The following ARHGAP33 variants were observed in gnomAD, a reference collection of about 807,000 sequenced individuals.
ARHGAP33 encodes the protein rho GTPase-activating protein 33.
Under a neutral mutation model 126.2 loss-of-function variants are expected in ARHGAP33, and 57 were observed. That is an observed-to-expected ratio of 0.45 (90% confidence interval 0.36 to 0.56). The LOEUF (loss-of-function observed/expected upper bound fraction) is 0.56, where lower values mean the gene tolerates loss of function less well. Among genes scored for constraint, ARHGAP33 ranks in the 20% least tolerant of loss-of-function variants. The probability of loss-of-function intolerance (pLI) is 0.00; values close to 1 mark genes in which losing one functional copy is unlikely to be tolerated. For missense variants in ARHGAP33, 1,500 were observed against 1,748.3 expected, an observed-to-expected ratio of 0.86 and a Z score of 2.53; for synonymous variants, 711 against 755.0, an observed-to-expected ratio of 0.94 and a Z score of 0.95.
chr19:35,782,749 C>T lies in ARHGAP33; in HGVS notation c.1314-13C>T, dbSNP rs369404067. 2.2e-5 allele frequency: 36 copies of T among 1,611,948 alleles called. No individual in the cohort carries two copies. The highest frequency in any genetic ancestry group is 1.3e-4 in the African/African-American group (10 of 74,990). On this transcript the variant is annotated splice_polypyrimidine_tract_variant and intron_variant, in intron 14 of 20. Transcript: ENST00000007510. The surrounding 1 kb of genome is among the most constrained non-coding windows in gnomAD (Gnocchi z 4.1). Reference sequence around the variant, plus strand: ...GGTTGAGGCTCAGGTGCCCCCTCTGCTCCCACCCCCAGGACCCTGGAGTAC... The same window carrying T: ...GGTTGAGGCTCAGGTGCCCCCTCTGTTCCCACCCCCAGGACCCTGGAGTAC...
intron 1 of ARHGAP33, among the ~76,000 whole-genome samples, chr19:35,776,574 T>C (rs1314703997): frequency 6.6e-6 from 1 of 152,190 alleles, no homozygotes; most frequent in Non-Finnish European, 1.5e-5. Context: ...AGCTGGTTAA[T>C]TTATTCATCA....
At chr19:35,781,617 G>A (rs926927761) in intron 12 of ARHGAP33, among the ~76,000 whole-genome samples, 2 of 152,186 alleles carry the variant, frequency 1.3e-5, no homozygotes, top group African/African-American at 2.4e-5. Flanking sequence ...GGAGGATGGC[G>A]ACGAAGAGCC....
Position 35,777,649 on chromosome 19 carries a change from G to A in ARHGAP33, c.11G>A (p.Arg4His), listed in dbSNP as rs368825074. 1.9e-5 allele frequency: 30 copies of A among 1,569,592 alleles called. No individual in the cohort carries two copies. The highest frequency in any genetic ancestry group is 2.5e-5 in the Non-Finnish European group (29 of 1,156,546). ...CTGATTCTTTCTGCTCTACAGGCAC[G>A]CAGCACTGACAGCCTGGATGGCCCA... MVA[R>H]STDSLDGPGE... is the part of the protein sequence containing the mutation. The change falls in exon 2 of 21, where the codon CGC becomes CAC. Residue 4 changes from arginine to histidine, a missense_variant. This residue lies in a region of ARHGAP33 where 129 missense variants were observed against 145.9 expected (regional missense o/e 0.88). Coordinates refer to ENST00000007510, the MANE Select transcript of ARHGAP33 (RefSeq NM_001366178.1).
Position 35,782,743 on chromosome 19 carries a change from C to G in ARHGAP33, c.1314-19C>G. On this transcript the variant is annotated intron_variant, in intron 14 of 20. Transcript: ENST00000007510. This position sits in a 1 kb window ranked among gnomAD's most constrained non-coding sequence, Gnocchi z 4.1. ...CAAGGGGGTTGAGGCTCAGGTGCCC[C>G]CTCTGCTCCCACCCCCAGGACCCTG... 1 of 1,611,680 alleles carries G rather than the reference C, an allele frequency of 6.2e-7. No individual in the cohort carries two copies. Among genetic ancestry groups the G allele is most frequent in the Non-Finnish European group, 8.5e-7 (1 of 1,178,748 alleles).
intron 1 of ARHGAP33, among the ~76,000 whole-genome samples, chr19:35,777,075 G>C (rs576247144): frequency 5.4e-4 from 82 of 152,280 alleles, no homozygotes; most frequent in Admixed American, 2.4e-3. Flanking sequence ...AGCTCTGAGA[G>C]TGGGGGCAAT....
intron 12 of ARHGAP33, among the ~76,000 whole-genome samples, chr19:35,781,488 G>A (rs1246524528): frequency 6.6e-6 from 1 of 152,254 alleles, no homozygotes; most frequent in Non-Finnish European, 1.5e-5. Context: ...AGCAGTGAGT[G>A]AGACAGCCAG....
In ARHGAP33 at chr19:35,780,293, A is replaced by T. The variant is rs761976787; in HGVS notation, c.584A>T (p.Lys195Ile). Residue 195 changes from lysine to isoleucine, a missense_variant, in exon 7 of 21, where the codon AAA becomes ATA. By Grantham distance (102) the Lys-to-Ile change is moderately radical. This residue lies in a region of ARHGAP33 where 75 missense variants were observed against 152.7 expected (regional missense o/e 0.49). Coordinates refer to ENST00000007510, the MANE Select transcript of ARHGAP33 (RefSeq NM_001366178.1). ...GCAGTGGCGGCCGCCCATGTGATCA[A>T]ACGGTATACAGCCCAGGCGCCAGAT... ...IPAVAAAHVI[K>I]RYTAQAPDEL... 6.2e-7 allele frequency: 1 copy of T among 1,613,820 alleles called. No individual in the cohort carries two copies.
chr19:35,787,446 G>T lies in ARHGAP33; in HGVS notation c.2881G>T (p.Ala961Ser). 1 of 1,612,194 alleles carries T rather than the reference G, an allele frequency of 6.2e-7. No homozygotes were observed. Among genetic ancestry groups the T allele is most frequent in the Admixed American group, 1.7e-5 (1 of 59,880 alleles). ...TCCCAACTCCCTAGCACACCCGGGT[G>T]CCTGGGTCCCGGGACCCCCACCCTA... ...PPPNSLAHPG[A>S]WVPGPPPYLP... Residue 961 changes from alanine (A) to serine (S), a missense_variant, in exon 21 of 21, where the codon GCC becomes TCC. Transcript: ENST00000007510.
intron 16 of ARHGAP33, 73 bp downstream of exon 16, chr19:35,784,390 G>T: frequency 2.0e-6 from 3 of 1,466,764 alleles, no homozygotes; most frequent in African/African-American, 1.5e-5. Flanking sequence ...GGGCAGGTGG[G>T]CTCCCAGTCC....
rs759883580 is a variant in ARHGAP33 at position 35,777,554 on chromosome 19, C to T, written c.7-91C>T. The stretch of plus-strand genomic sequence containing the variant: ...TGCTCAGGGCGGTGTGTGGAGCGCC[C>T]GGGGCTCTGGACCCGCGCTGCCAGA... On this transcript the variant is annotated intron_variant, in intron 1 of 20. Coordinates refer to ENST00000007510, the MANE Select transcript of ARHGAP33 (RefSeq NM_001366178.1). 3.2e-5 allele frequency: 35 copies of T among 1,090,234 alleles called. No homozygotes were observed. The Middle Eastern group carries it at 1.2e-3, about 37-fold the overall frequency. The allele number at this position is 1,090,234 out of a possible 1,614,324, so 67.5% of individuals were successfully genotyped here.
chr19:35,786,321 C>A lies in ARHGAP33; in HGVS notation c.1943-92C>A. 1 of 1,452,614 alleles carries A rather than the reference C, an allele frequency of 6.9e-7. No individual in the cohort carries two copies. Among genetic ancestry groups the A allele is most frequent in the South Asian group, 1.4e-5 (1 of 69,584 alleles). The allele number at this position is 1,452,614 out of a possible 1,614,324, so 90.0% of individuals were successfully genotyped here. ...TGGCTTCACACTACTGTGGCCCTCT[C>A]CAGGAGGCGCCTCTTCATGTCCTTT... On this transcript the variant is annotated intron_variant, in intron 19 of 20. Coordinates refer to ENST00000007510, the MANE Select transcript of ARHGAP33 (RefSeq NM_001366178.1). This position sits in a 1 kb window ranked among gnomAD's most constrained non-coding sequence, Gnocchi z 7.0.
chr19:35,786,459 C>A lies in ARHGAP33; in HGVS notation c.1989C>A (p.Asp663Glu). ...TGCGGCGACCCCACTCCAGCAGCGA[C>A]GCTTTCCCTGTGGGCCCAGCACCTG... ...HRLRRPHSSSDAFPVGPAPAG... is the reference protein window; with the variant it reads ...HRLRRPHSSSEAFPVGPAPAG... Residue 663 changes from aspartate (D) to glutamate (E), a missense_variant, in exon 20 of 21, where the codon GAC becomes GAA. Transcript: ENST00000007510. This position sits in a 1 kb window ranked among gnomAD's most constrained non-coding sequence, Gnocchi z 7.0. 1 of 1,535,832 alleles carries A rather than the reference C, an allele frequency of 6.5e-7. No individual in the cohort carries two copies. The highest frequency in any genetic ancestry group is 8.7e-7 in the Non-Finnish European group (1 of 1,146,732).
At position 35,781,147 on chromosome 19, in the gene ARHGAP33, C is replaced by T; in HGVS notation, c.983-3C>T. ...ACCCAGCCCTGACCTTGCTTTCTCC[C>T]AGTGCCCCAGGTGCTGCGCTGCTGC... On this transcript the variant is annotated splice_polypyrimidine_tract_variant and splice_region_variant and intron_variant, in intron 11 of 20. Coordinates refer to ENST00000007510, the MANE Select transcript of ARHGAP33 (RefSeq NM_001366178.1). 6.2e-7 allele frequency: 1 copy of T among 1,612,582 alleles called. No individual in the cohort carries two copies. The highest frequency in any genetic ancestry group is 8.5e-7 in the Non-Finnish European group (1 of 1,179,294).
In ARHGAP33 at chr19:35,780,438, G is replaced by T; in HGVS notation, c.642G>T (p.Ser214=). 1 of 1,596,684 alleles carries T rather than the reference G, an allele frequency of 6.3e-7. No homozygotes were observed. The highest frequency in any genetic ancestry group is 8.6e-7 in the Non-Finnish European group (1 of 1,169,040). Residue 214 remains serine (S), a synonymous_variant, in exon 8 of 21, where the codon TCG becomes TCT. Transcript: ENST00000007510. ...ELSFEVGDIV[S]VIDMPPTEDR... is the part of the protein sequence containing the mutation. ...TCTCCCAGGTGGGAGACATTGTCTC[G>T]GTGATCGACATGCCACCCACAGAGG...
rs1258517161 is a variant in ARHGAP33 at position 35,786,809 on chromosome 19, C to T, written c.2339C>T (p.Ser780Leu). 15 of 1,526,548 alleles carry T rather than the reference C, an allele frequency of 9.8e-6. No individual in the cohort carries two copies. The highest frequency in any genetic ancestry group is 2.4e-5 in the East Asian group (1 of 41,132). The allele number at this position is 1,526,548 out of a possible 1,614,324, so 94.6% of individuals were successfully genotyped here. ...FPPRVTPQAISPRGPTSPASP... is the reference protein window; with the variant it reads ...FPPRVTPQAILPRGPTSPASP... ...CCCAGGGTGACCCCCCAGGCCATCT[C>T]GCCCCGGGGGCCCACCAGCCCCGCC... The change falls in exon 20 of 21, where the codon TCG becomes TTG. Residue 780 changes from serine to leucine, a missense_variant. Ser to Leu is a moderately radical substitution (Grantham distance 145, BLOSUM62 -2). Transcript: ENST00000007510. The surrounding 1 kb of genome is among the most constrained non-coding windows in gnomAD (Gnocchi z 7.0).
At position 35,787,561 on chromosome 19, in the gene ARHGAP33, T is replaced by C; in HGVS notation, c.2996T>C (p.Val999Ala). The C allele has an allele frequency of 6.2e-7, 1 of 1,611,846 alleles. No individual in the cohort carries two copies. Among genetic ancestry groups the C allele is most frequent in the Non-Finnish European group, 8.5e-7 (1 of 1,179,468 alleles). Residue 999 changes from valine (V) to alanine (A), a missense_variant, in exon 21 of 21, where the codon GTC (valine) becomes GCC (alanine). Val to Ala is a moderately conservative substitution (Grantham distance 64). Around this residue, in one of 6 missense-constraint regions of ARHGAP33, gnomAD observed 642 missense variants for 634.0 expected, o/e 1.01. Transcript: ENST00000007510. ...AGGGGACTCCGAGGCCCTGCCCAGG[T>C]CAGTGCCCAGCTCAGGGCAGGTGGC... is the stretch of plus-strand genomic sequence containing the variant. Reference protein sequence around the residue: ...SRRGLRGPAQVSAQLRAGGGG... With the variant: ...SRRGLRGPAQASAQLRAGGGG...
chr19:35,781,112 G>A (rs756170732), intron 11 of ARHGAP33, 38 bp from the exon 12 acceptor site: 5 of 1,384,666 alleles, frequency 3.6e-6, no homozygotes, highest in South Asian at 1.1e-5. Context: ...TCACACCAGG[G>A]CTGCGGCCCA....
At position 35,782,540 on chromosome 19, in the gene ARHGAP33, C is replaced by G; in HGVS notation, c.1230+23C>G. 1 of 1,613,250 alleles carries G rather than the reference C, an allele frequency of 6.2e-7. No homozygotes were observed. Among genetic ancestry groups the G allele is most frequent in the Non-Finnish European group, 8.5e-7 (1 of 1,179,500 alleles). On this transcript the variant is annotated intron_variant, in intron 13 of 20. Transcript: ENST00000007510. The surrounding 1 kb of genome is among the most constrained non-coding windows in gnomAD (Gnocchi z 4.1). Reference sequence around the variant, plus strand: ...AGTGTGAGTAAGGGAGCTGGCGGGACGGAGGGGGCCGGGACGCCTCTGGCC... The same window carrying G: ...AGTGTGAGTAAGGGAGCTGGCGGGAGGGAGGGGGCCGGGACGCCTCTGGCC...
rs150993015 is a variant in ARHGAP33, at chr19:35,782,399, C to T, written c.1112C>T (p.Pro371Leu). Reference protein sequence around the residue: ...LRHEFDSERIPELSGPAFLQD... With the variant: ...LRHEFDSERILELSGPAFLQD... ...CACGAGTTTGACAGTGAGAGGATCCCGGAGCTGTCTGGCCCTGCATTCCTG... is the reference window on the plus strand; with the variant it reads ...CACGAGTTTGACAGTGAGAGGATCCTGGAGCTGTCTGGCCCTGCATTCCTG... Residue 371 changes from proline (P) to leucine (L), a missense_variant, in exon 13 of 21, where the codon CCG (proline) becomes CTG (leucine). By Grantham distance (98) the Pro-to-Leu change is moderately conservative (BLOSUM62 -3). Transcript: ENST00000007510. The surrounding 1 kb of genome is among the most constrained non-coding windows in gnomAD (Gnocchi z 4.1). 1.7e-5 allele frequency: 28 copies of T among 1,608,788 alleles called. No individual in the cohort carries two copies. In the African/African-American group the frequency reaches 1.9e-4, roughly 11 times the overall value.
Sources: gnomAD v4.1 joint callset for allele counts (sites outside exome capture counted in the v4.1 genomes callset) on GRCh38, gnomAD v4.1.1 for gene constraint, gnomAD v4.1.1 regional missense constraint, Gnocchi (gnomAD v3.1) non-coding constraint, MANE v1.5 for transcripts, NCBI Gene and HGNC (gene_info 2026-07-23, HGNC 2026-07-21) for gene names.